The following ROR1 variants were observed in gnomAD, a reference collection of about 807,000 sequenced individuals.
The protein encoded by ROR1 is inactive tyrosine-protein kinase transmembrane receptor ROR1.
In ROR1, 19 loss-of-function variants were observed where a neutral mutation model predicts 78.8. That is an observed-to-expected ratio of 0.24 (90% CI 0.17 to 0.35). ROR1 has a LOEUF of 0.35. Ranked by LOEUF, ROR1 falls within the 10% of genes least tolerant of loss-of-function variation. The pLI, the probability that ROR1 is intolerant of heterozygous loss-of-function variation, is 1.00. For synonymous variants in ROR1, 386 were observed against 433.6 expected (o/e 0.89, Z 1.36); for missense variants, 917 against 1,177.8 (o/e 0.78, Z 3.24).
intron 1 of ROR1, among the ~76,000 whole-genome samples, chr1:63,891,949 C>T (rs1249351067): frequency 6.6e-6 from 1 of 152,090 alleles, no homozygotes; most frequent in Non-Finnish European, 1.5e-5. Context: ...TGACCCAACC[C>T]CCATAATGAA....
chr1:64,009,693 G>A (rs1042335138), intron 2 of ROR1, among the ~76,000 whole-genome samples: 1 of 152,060 alleles, frequency 6.6e-6, no homozygotes, highest in Non-Finnish European at 1.5e-5. Flanking sequence ...TTATTTAGGG[G>A]ATTTGATTCA....
At chr1:63,784,492 T>A (rs1351167365) in intron 1 of ROR1, among the ~76,000 whole-genome samples, 1 of 152,260 alleles carries the variant, frequency 6.6e-6, no homozygotes, top group African/African-American at 2.4e-5. Flanking sequence ...GAAAGGCATT[T>A]GTAGATGGGA....
intron 4 of ROR1, among the ~76,000 whole-genome samples, chr1:64,132,061 T>A (rs552451607): frequency 1.3e-5 from 2 of 152,324 alleles, no homozygotes; most frequent in South Asian, 4.1e-4. Flanking sequence ...TTACTTCTTA[T>A]TCCTCCCTGT....
chr1:63,861,138 C>T (rs143792571), intron 1 of ROR1, among the ~76,000 whole-genome samples: 125 of 152,302 alleles, frequency 8.2e-4, no homozygotes, highest in African/African-American at 2.7e-3. Flanking sequence ...CAGGGAAGAA[C>T]ACAGCTGTCC....
intron 1 of ROR1, among the ~76,000 whole-genome samples, chr1:63,958,473 G>A (rs1646001788): frequency 1.3e-5 from 2 of 152,130 alleles, no homozygotes; most frequent in Non-Finnish European, 2.9e-5. Context: ...CATACTCTGA[G>A]TCCCAAGTGA....
intron 1 of ROR1, among the ~76,000 whole-genome samples, chr1:63,780,586 G>A (rs1265172221): frequency 1.3e-5 from 2 of 152,132 alleles, no homozygotes; most frequent in Non-Finnish European, 2.9e-5. Context: ...CAAAACGATG[G>A]TCCTGCTGCA....
intron 2 of ROR1, among the ~76,000 whole-genome samples, chr1:64,035,062 CAT>C (rs1051065846): frequency 1.3e-5 from 2 of 152,140 alleles, no homozygotes; most frequent in Non-Finnish European, 2.9e-5. Flanking sequence ...GCAATATTTT[CAT>C]ATGTTTTTCA....
intron 2 of ROR1, among the ~76,000 whole-genome samples, chr1:64,036,042 C>A (rs1227887337): frequency 6.6e-6 from 1 of 152,126 alleles, no homozygotes; most frequent in Non-Finnish European, 1.5e-5. Flanking sequence ...TCATACTTGC[C>A]CTTTGGTACC....
chr1:64,107,915 C>T (rs561172656), intron 4 of ROR1, among the ~76,000 whole-genome samples: 4 of 152,116 alleles, frequency 2.6e-5, no homozygotes, highest in East Asian at 3.9e-4. Context: ...TATTCAGCAT[C>T]GGTGGTCAGA....
At chr1:64,059,400 C>A (rs1392677198) in intron 4 of ROR1, among the ~76,000 whole-genome samples, 2 of 152,060 alleles carry the variant, frequency 1.3e-5, no homozygotes, top group Non-Finnish European at 2.9e-5. Flanking sequence ...TATTTTCTGT[C>A]ATGTACTCCC....
chr1:63,909,038 C>A (rs146598754), intron 1 of ROR1, among the ~76,000 whole-genome samples: 3 of 152,260 alleles, frequency 2.0e-5, no homozygotes, highest in Non-Finnish European at 2.9e-5. Flanking sequence ...TTCCATATAG[C>A]CTTTGTCTTG....
intron 2 of ROR1, among the ~76,000 whole-genome samples, chr1:64,038,648 T>C (rs1220614212): frequency 6.6e-6 from 1 of 152,198 alleles, no homozygotes; most frequent in Admixed American, 6.5e-5. Flanking sequence ...ACCCTGAACA[T>C]ACCCAGATCA....
intron 7 of ROR1, among the ~76,000 whole-genome samples, chr1:64,144,213 G>A (rs780858347): frequency 9.2e-5 from 14 of 152,128 alleles, no homozygotes; most frequent in Non-Finnish European, 1.9e-4. Context: ...GAAAACTATA[G>A]GAGGAATAAA....
intron 4 of ROR1, among the ~76,000 whole-genome samples, chr1:64,117,549 CT>C (rs780563919): frequency 7.4e-4 from 113 of 152,176 alleles, no homozygotes; most frequent in Non-Finnish European, 1.2e-3. Flanking sequence ...ACATCACCTG[CT>C]GCATGCCACA....
Position 63,794,736 on chromosome 1 carries a change from C to A in ROR1, c.91+20228C>A, listed in dbSNP as rs149851909. ...TTAGGAAGCCCACTGGAGGAAGCAG[C>A]GAGCAAGAAGGGAGCAGCGGAGGGA... On this transcript the variant is annotated intron_variant, in intron 1 of 8. Coordinates refer to ENST00000371079, the MANE Select transcript of ROR1 (RefSeq NM_005012.4). Among the ~76,000 whole-genome samples the A allele has an allele frequency of 1.1e-3, 165 of 152,286 alleles. 1 individual carries two copies. Among genetic ancestry groups the A allele is most frequent in the African/African-American group, 3.8e-3 (158 of 41,562 alleles).
chr1:63,815,803 A>G (rs545414730), intron 1 of ROR1, among the ~76,000 whole-genome samples: 1 of 152,212 alleles, frequency 6.6e-6, no homozygotes, highest in African/African-American at 2.4e-5. Context: ...GCCATGAATT[A>G]CACATACCCA....
intron 1 of ROR1, among the ~76,000 whole-genome samples, chr1:63,947,918 A>G (rs556112655): frequency 6.6e-6 from 1 of 152,278 alleles, no homozygotes; most frequent in East Asian, 1.9e-4. Context: ...TAATAATATT[A>G]TGTTGCTAAT....
At chr1:63,950,045 C>T (rs2100468587) in intron 1 of ROR1, among the ~76,000 whole-genome samples, 1 of 152,266 alleles carries the variant, frequency 6.6e-6, no homozygotes, top group East Asian at 1.9e-4. Flanking sequence ...ATCAGAATCA[C>T]CTGAGGTGCT....
chr1:64,004,499 A>G (rs776580617), intron 1 of ROR1, among the ~76,000 whole-genome samples: 1 of 152,188 alleles, frequency 6.6e-6, no homozygotes, highest in Admixed American at 6.5e-5. Flanking sequence ...GTGAGTGGTC[A>G]AGAAAGGCAG....
Sources: allele counts gnomAD v4.1 joint callset (sites outside exome capture counted in the v4.1 genomes callset), GRCh38; gene constraint gnomAD v4.1.1; transcripts MANE v1.5; gene names NCBI Gene and HGNC (gene_info 2026-07-23, HGNC 2026-07-21).